The following ADCY8 variants were observed in gnomAD, a reference collection of about 807,000 sequenced individuals.
ADCY8 encodes the protein adenylate cyclase type 8.
In ADCY8, 51 loss-of-function variants were observed where a neutral mutation model predicts 119.7. The observed-to-expected ratio is 0.43, with a 90% CI of 0.34 to 0.54. The LOEUF is 0.54. ADCY8 is among the 20% of genes least tolerant of loss of function. The pLI is 0.03. For missense variants in ADCY8, 1,383 were observed against 1,598.8 expected, an observed-to-expected ratio of 0.87 and a Z score of 2.30; for synonymous variants, 665 against 651.0, an observed-to-expected ratio of 1.02 and a Z score of -0.33.
intron 5 of ADCY8, among the ~76,000 whole-genome samples, chr8:130,927,513 T>C (rs1292891763): frequency 6.6e-6 from 1 of 152,238 alleles, no homozygotes; most frequent in African/African-American, 2.4e-5. Flanking sequence ...AGAAGTATAG[T>C]TTACAAGTAT....
intron 1 of ADCY8, among the ~76,000 whole-genome samples, chr8:131,035,311 A>G (rs1386740632): frequency 2.6e-5 from 4 of 152,154 alleles, no homozygotes; most frequent in Non-Finnish European, 5.9e-5. Flanking sequence ...CTGGGTTTTG[A>G]GCCTTCTGAA....
At chr8:130,985,956 C>T (rs1272506072) in intron 2 of ADCY8, among the ~76,000 whole-genome samples, 4 of 152,208 alleles carry the variant, frequency 2.6e-5, no homozygotes, top group East Asian at 1.9e-4. Flanking sequence ...TGAGACACCT[C>T]GAAATGCCAT....
At chr8:130,992,084 T>C (rs1822596459) in intron 1 of ADCY8, among the ~76,000 whole-genome samples, 1 of 149,660 alleles carries the variant, frequency 6.7e-6, no homozygotes, top group South Asian at 2.1e-4. Flanking sequence ...AAAAATATAT[T>C]TTATATACTT....
At chr8:130,909,662 G>A (rs1177570066) in intron 6 of ADCY8, 46 bp downstream of exon 6, 1 of 1,607,562 alleles carries the variant, frequency 6.2e-7, no homozygotes, top group East Asian at 2.2e-5. Context: ...CACAAAATAA[G>A]CCAATGACAA....
At chr8:130,858,360 C>A (rs1181904056) in intron 9 of ADCY8, among the ~76,000 whole-genome samples, 1 of 152,096 alleles carries the variant, frequency 6.6e-6, no homozygotes, top group Non-Finnish European at 1.5e-5. Context: ...TCTCAGACTT[C>A]CCTTGTTTTA....
chr8:130,846,107 T>G (rs900520873), intron 11 of ADCY8, among the ~76,000 whole-genome samples: 1 of 152,130 alleles, frequency 6.6e-6, no homozygotes, highest in Non-Finnish European at 1.5e-5. Flanking sequence ...GACCAATTCT[T>G]AGGCCTAGAA....
chr8:131,037,096 G>C (rs1435767243), intron 1 of ADCY8, among the ~76,000 whole-genome samples: 1 of 152,138 alleles, frequency 6.6e-6, no homozygotes, highest in African/African-American at 2.4e-5. Flanking sequence ...AATAGAGGGC[G>C]CCAAAGGACC....
At chr8:131,010,711 C>T (rs1023095) in intron 1 of ADCY8, among the ~76,000 whole-genome samples, 80,692 of 152,000 alleles carry the variant, frequency 0.53, 22,322 homozygotes, top group East Asian at 0.72. Context: ...AAGCTGTGGC[C>T]GCCAATAGCG....
At chr8:130,969,096 A>G (rs1446456695) in intron 2 of ADCY8, among the ~76,000 whole-genome samples, 5 of 152,204 alleles carry the variant, frequency 3.3e-5, no homozygotes, top group Non-Finnish European at 4.4e-5. Context: ...CAGATATTAG[A>G]TTATATGTTA....
intron 5 of ADCY8, among the ~76,000 whole-genome samples, chr8:130,929,284 T>C (rs1820562431): frequency 2.0e-5 from 3 of 152,160 alleles, no homozygotes; most frequent in South Asian, 2.1e-4. Context: ...GTGTTTATTA[T>C]TGTAAACTTC....
chr8:130,855,007 G>A (rs1021935292), intron 9 of ADCY8, among the ~76,000 whole-genome samples: 4 of 146,642 alleles, frequency 2.7e-5, no homozygotes, highest in East Asian at 4.1e-4. Context: ...ATAGTCCCAA[G>A]AAGTATTTTC....
At chr8:130,818,740 G>A (rs193090163) in intron 13 of ADCY8, among the ~76,000 whole-genome samples, 10 of 152,278 alleles carry the variant, frequency 6.6e-5, no homozygotes, top group African/African-American at 2.4e-4. Flanking sequence ...GACCCAAAAC[G>A]ATGCTGCAGA....
chr8:130,813,057 C>A (rs903548633), intron 14 of ADCY8, among the ~76,000 whole-genome samples: 3 of 151,766 alleles, frequency 2.0e-5, no homozygotes, highest in Non-Finnish European at 1.5e-5. Context: ...AAACGATACT[C>A]CTGCCTCAGC....
At chr8:130,882,474 G>A (rs1268560298) in intron 8 of ADCY8, among the ~76,000 whole-genome samples, 1 of 152,082 alleles carries the variant, frequency 6.6e-6, no homozygotes. Context: ...GGAAAATGAA[G>A]ACAGCACGGG....
At chr8:130,914,309 C>A (rs1820065173) in intron 5 of ADCY8, among the ~76,000 whole-genome samples, 1 of 152,156 alleles carries the variant, frequency 6.6e-6, no homozygotes, top group Non-Finnish European at 1.5e-5. Flanking sequence ...GCTTTGCCAG[C>A]TAATGGTGAG....
chr8:130,958,691 A>T (rs977352011), intron 2 of ADCY8, among the ~76,000 whole-genome samples: 2 of 152,184 alleles, frequency 1.3e-5, no homozygotes, highest in Admixed American at 1.3e-4. Context: ...GTATGGGGGA[A>T]ACTGCCCCTA....
At chr8:130,907,536 G>A (rs558473060) in intron 6 of ADCY8, among the ~76,000 whole-genome samples, 3 of 152,174 alleles carry the variant, frequency 2.0e-5, no homozygotes, top group South Asian at 2.1e-4. Context: ...TTTTTAAGGC[G>A]GATAATGTTT....
intron 2 of ADCY8, among the ~76,000 whole-genome samples, chr8:130,963,825 T>C (rs932031790): frequency 5.9e-5 from 9 of 152,184 alleles, no homozygotes; most frequent in Non-Finnish European, 1.3e-4. Context: ...GCTGGGCTTC[T>C]GCATGGTTTA....
chr8:131,021,298 C>A (rs1420435398), intron 1 of ADCY8, among the ~76,000 whole-genome samples: 1 of 152,094 alleles, frequency 6.6e-6, no homozygotes, highest in Non-Finnish European at 1.5e-5. Flanking sequence ...GGCCCACCAA[C>A]CTTCTGTATG....
Sources: allele counts gnomAD v4.1 joint callset (sites outside exome capture counted in the v4.1 genomes callset), GRCh38; gene constraint gnomAD v4.1.1; transcripts MANE v1.5; gene names NCBI Gene and HGNC (gene_info 2026-07-23, HGNC 2026-07-21).